ERBB4: variants seen among roughly 807,000 people sequenced by gnomAD.
The protein encoded by ERBB4 is erb-b2 receptor tyrosine kinase 4.
In ERBB4, 42 loss-of-function variants were observed where a neutral mutation model predicts 158.0. The observed-to-expected ratio is 0.27, with a 90% CI of 0.21 to 0.34. The LOEUF (loss-of-function observed/expected upper bound fraction) is 0.34, where lower values mean the gene tolerates loss of function less well. ERBB4 is among the 10% of genes least tolerant of loss of function. The probability of loss-of-function intolerance (pLI) is 1.00; values close to 1 mark genes in which losing one functional copy is unlikely to be tolerated. For missense variants in ERBB4, 1,333 were observed against 1,624.1 expected (o/e 0.82, Z 3.08); for synonymous variants, 583 against 558.7 (o/e 1.04, Z -0.61).
chr2:212,091,640 T>C (rs1450441639), intron 2 of ERBB4, among the ~76,000 whole-genome samples: 5 of 152,090 alleles, frequency 3.3e-5, no homozygotes, highest in Non-Finnish European at 7.4e-5. Flanking sequence ...GGACAAAAAA[T>C]TGGCTAAAGT....
At chr2:212,260,954 T>C (rs759800991) in intron 1 of ERBB4, among the ~76,000 whole-genome samples, 16 of 152,112 alleles carry the variant, frequency 1.1e-4, no homozygotes, top group Non-Finnish European at 1.8e-4. Context: ...TAGATATAGA[T>C]ATGAGTAAAG....
chr2:211,782,540 G>A (rs748471354), intron 4 of ERBB4, among the ~76,000 whole-genome samples: 1 of 152,184 alleles, frequency 6.6e-6, no homozygotes, highest in Non-Finnish European at 1.5e-5. Flanking sequence ...TTGCTGGTAA[G>A]CAGCAGTGCC....
intron 1 of ERBB4, among the ~76,000 whole-genome samples, chr2:212,199,882 G>GGACT (rs3038275): frequency 0.55 from 84,172 of 151,950 alleles, 25,468 homozygotes; most frequent in African/African-American, 0.79. Flanking sequence ...CCCTAGCATG[G>GGACT]AGTCAGGCCA....
rs1015100629 is a variant in ERBB4, at chr2:212,301,088, GATC to G, written c.83-176188_83-176186del. ...CAGTTAAGTAGTTAGTACTTGGCTG[GATC>G]ATTATTGTTAGATGGTTTGCATTGA... On this transcript the variant is annotated intron_variant, in intron 1 of 27. Coordinates refer to ENST00000342788, the MANE Select transcript of ERBB4 (RefSeq NM_005235.3). 6.1e-4 allele frequency among the ~76,000 whole-genome samples: 92 copies of G among 149,780 alleles called. 1 individual carries two copies. The highest frequency in any genetic ancestry group is 2.1e-3 in the African/African-American group (88 of 40,996).
In ERBB4 at chr2:211,420,543, C is replaced by A. The variant is rs1218019126; in HGVS notation, c.3033G>T (p.Glu1011Asp). Residue 1011 changes from glutamate to aspartate, a missense_variant, in exon 25 of 28, where the codon GAG becomes GAT. Transcript: ENST00000342788. Reference sequence around the variant, plus strand: ...CAGCATCCATCATATCTTCCAAATCCTCTTCATCCAAGAGATTCTGAAAGA... The same window carrying A: ...CAGCATCCATCATATCTTCCAAATCATCTTCATCCAAGAGATTCTGAAAGA... Reference protein sequence around the residue: ...SKFFQNLLDEEDLEDMMDAEE... With the variant: ...SKFFQNLLDEDDLEDMMDAEE... 1 of 1,612,794 alleles carries A rather than the reference C, an allele frequency of 6.2e-7. No individual in the cohort carries two copies. The highest frequency in any genetic ancestry group is 8.5e-7 in the Non-Finnish European group (1 of 1,179,078).
chr2:212,537,753 T>G (rs1693174355), intron 1 of ERBB4, among the ~76,000 whole-genome samples: 1 of 151,292 alleles, frequency 6.6e-6, no homozygotes, highest in Non-Finnish European at 1.5e-5. Context: ...CAAGCCTTTT[T>G]TTTTTTTTTT....
intron 1 of ERBB4, among the ~76,000 whole-genome samples, chr2:212,284,837 C>A (rs1258450194): frequency 1.3e-5 from 2 of 152,052 alleles, no homozygotes; most frequent in East Asian, 3.9e-4. Flanking sequence ...GGATGGCTGG[C>A]AGAATCTTCT....
intron 2 of ERBB4, among the ~76,000 whole-genome samples, chr2:212,115,413 T>C (rs140362533): frequency 6.6e-6 from 1 of 152,280 alleles, no homozygotes; most frequent in African/African-American, 2.4e-5. Flanking sequence ...GTAGTATATT[T>C]TGAAATTTTG....
chr2:211,470,399 C>T (rs2064802976), intron 20 of ERBB4, among the ~76,000 whole-genome samples: 1 of 152,040 alleles, frequency 6.6e-6, no homozygotes, highest in Non-Finnish European at 1.5e-5. Flanking sequence ...AAAATTGGAA[C>T]ATATTACAGA....
chr2:212,438,394 G>T (rs2105966796), intron 1 of ERBB4, among the ~76,000 whole-genome samples: 1 of 152,164 alleles, frequency 6.6e-6, no homozygotes, highest in East Asian at 1.9e-4. Context: ...AAAATTCCTG[G>T]TGAACAAATA....
intron 3 of ERBB4, among the ~76,000 whole-genome samples, chr2:211,883,654 T>G (rs1298406967): frequency 2.0e-5 from 3 of 152,030 alleles, no homozygotes; most frequent in Admixed American, 2.0e-4. Flanking sequence ...GGCGTTGTCG[T>G]GGGCACCTAT....
intron 2 of ERBB4, among the ~76,000 whole-genome samples, chr2:211,991,398 T>C (rs1307003234): frequency 6.6e-6 from 1 of 152,032 alleles, no homozygotes; most frequent in Non-Finnish European, 1.5e-5. Context: ...ATGAGGGACC[T>C]ACAAAACAAA....
chr2:211,804,019 G>A (rs2076557856), intron 3 of ERBB4, among the ~76,000 whole-genome samples: 2 of 152,248 alleles, frequency 1.3e-5, no homozygotes, highest in East Asian at 1.9e-4. Context: ...AGTAGAATAA[G>A]CGTCTGGCTA....
At chr2:212,208,327 A>G (rs1307969072) in intron 1 of ERBB4, among the ~76,000 whole-genome samples, 1 of 152,116 alleles carries the variant, frequency 6.6e-6, no homozygotes, top group African/African-American at 2.4e-5. Flanking sequence ...ATGCCCATAA[A>G]ATTTCAACCC....
At chr2:212,423,918 T>C (rs1038452798) in intron 1 of ERBB4, among the ~76,000 whole-genome samples, 5 of 152,156 alleles carry the variant, frequency 3.3e-5, no homozygotes, top group African/African-American at 1.2e-4. Flanking sequence ...TGAGGTATTT[T>C]TTCCCAAATT....
intron 3 of ERBB4, among the ~76,000 whole-genome samples, chr2:211,883,371 C>T (rs2106156900): frequency 6.6e-6 from 1 of 152,188 alleles, no homozygotes; most frequent in South Asian, 2.1e-4. Flanking sequence ...GGGTGCAGCA[C>T]ACCAACATGG....
At chr2:211,390,532 C>T (rs1002388482) in intron 25 of ERBB4, among the ~76,000 whole-genome samples, 13 of 152,138 alleles carry the variant, frequency 8.5e-5, no homozygotes, top group African/African-American at 1.2e-4. Flanking sequence ...AAACCTGAGA[C>T]GTAAACAATC....
intron 1 of ERBB4, among the ~76,000 whole-genome samples, chr2:212,132,573 G>C (rs1038936903): frequency 6.6e-6 from 1 of 152,064 alleles, no homozygotes; most frequent in Non-Finnish European, 1.5e-5. Flanking sequence ...CTGTGACATA[G>C]ATCTCCAGCC....
At chr2:211,649,094 G>A (rs922763892) in intron 16 of ERBB4, among the ~76,000 whole-genome samples, 4 of 151,778 alleles carry the variant, frequency 2.6e-5, no homozygotes, top group Non-Finnish European at 4.4e-5. Flanking sequence ...AGGAGTACAC[G>A]CTTAGATCAT....
Sources: gnomAD v4.1 joint callset for allele counts (sites outside exome capture counted in the v4.1 genomes callset) on GRCh38, gnomAD v4.1.1 for gene constraint, MANE v1.5 for transcripts, NCBI Gene and HGNC (gene_info 2026-07-23, HGNC 2026-07-21) for gene names.